TIAM1: variants seen among roughly 807,000 people sequenced by gnomAD.
TIAM1 encodes TIAM Rac1 associated GEF 1.
TIAM1 carries 65 observed loss-of-function variants against 163.5 expected under a neutral mutation model. The ratio of observed to expected loss-of-function variants is 0.40; its 90% CI spans 0.33 to 0.49. The LOEUF is 0.49. TIAM1 is among the 20% of genes least tolerant of loss of function. The pLI is 0.77. For missense variants in TIAM1, 1,789 were observed against 2,044.7 expected, an observed-to-expected ratio of 0.87 and a Z score of 2.41; for synonymous variants, 833 against 810.1, an observed-to-expected ratio of 1.03 and a Z score of -0.48.
At chr21:31,339,567 T>C (rs2833381) in intron 1 of TIAM1, 145 bp from the exon 2 acceptor site, 15,188 of 395,176 alleles carry the variant, frequency 0.038, 1,013 homozygotes, top group African/African-American at 0.19. Flanking sequence ...CATTAGAGTA[T>C]GGATATTTTG....
At chr21:31,503,020 T>C (rs1297421833) in intron 1 of TIAM1, among the ~76,000 whole-genome samples, 1 of 152,230 alleles carries the variant, frequency 6.6e-6, no homozygotes, top group African/African-American at 2.4e-5. Flanking sequence ...CACCCTGGGC[T>C]CTGATGTATG....
chr21:31,489,454 G>GA (rs1204968363), intron 1 of TIAM1, among the ~76,000 whole-genome samples: 8 of 136,068 alleles, frequency 5.9e-5, no homozygotes, highest in African/African-American at 2.2e-4. Context: ...GGAGAAGAAA[G>GA]AAAGAGAAAG....
In TIAM1 at chr21:31,265,996, T is replaced by C. The variant is rs2072738305; in HGVS notation, c.963+14A>G. The C allele has an allele frequency of 1.2e-6, 2 of 1,608,082 alleles. No homozygotes were observed. The highest frequency in any genetic ancestry group is 1.7e-6 in the Non-Finnish European group (2 of 1,176,278). On this transcript the variant is annotated intron_variant, in intron 4 of 27. Transcript: ENST00000541036. Reference sequence around the variant, plus strand: ...CCATTCCCAAAATATTGAAACAAATTTCAATCACTTTACCTGAGTTGTTTT... The same window carrying C: ...CCATTCCCAAAATATTGAAACAAATCTCAATCACTTTACCTGAGTTGTTTT...
intron 2 of TIAM1, among the ~76,000 whole-genome samples, chr21:31,411,869 C>T (rs767926033): frequency 4.1e-5 from 6 of 147,162 alleles, no homozygotes; most frequent in African/African-American, 1.2e-4. Flanking sequence ...AGTGTAAGAA[C>T]GTATGTAATG....
rs528636865 is a variant in TIAM1 at position 31,506,702 on chromosome 21, A to G, written c.-421-42667T>C. The stretch of plus-strand genomic sequence containing the variant: ...GGAGGCTGAGGCAGTTGAATCACTC[A>G]AGGTCAGGAGTTCAAGACCAGCCTG... On this transcript the variant is annotated intron_variant, in intron 1 of 28. Transcript: ENST00000286827. Among the ~76,000 whole-genome samples the G allele has an allele frequency of 9.9e-5, 15 of 152,276 alleles. 1 individual carries two copies. Among genetic ancestry groups the G allele is most frequent in the Admixed American group, 5.2e-4 (8 of 15,298 alleles).
chr21:31,417,465 G>A (rs1303632535), intron 2 of TIAM1, among the ~76,000 whole-genome samples: 2 of 152,090 alleles, frequency 1.3e-5, no homozygotes, highest in Non-Finnish European at 2.9e-5. Context: ...CAAGCAAAAG[G>A]GGAAATCCCT....
intron 19 of TIAM1, among the ~76,000 whole-genome samples, chr21:31,148,685 A>G (rs2083243415): frequency 6.6e-6 from 1 of 152,178 alleles, no homozygotes; most frequent in Non-Finnish European, 1.5e-5. Context: ...ATGAAACACT[A>G]AGGTATTCAC....
intron 2 of TIAM1, among the ~76,000 whole-genome samples, chr21:31,393,795 G>A (rs117586577): frequency 0.012 from 1,867 of 152,186 alleles, 17 homozygotes; most frequent in South Asian, 0.027. Context: ...AATCTTTCCT[G>A]TCTTTACCAC....
chr21:31,132,926 A>G (rs2082473395), intron 23 of TIAM1, among the ~76,000 whole-genome samples: 1 of 152,228 alleles, frequency 6.6e-6, no homozygotes, highest in African/African-American at 2.4e-5. Flanking sequence ...AACAATCACC[A>G]ACATTTGGTA....
chr21:31,533,571 A>C (rs867119468), intron 1 of TIAM1, among the ~76,000 whole-genome samples: 6 of 151,898 alleles, frequency 4.0e-5, no homozygotes, highest in Middle Eastern at 3.2e-3. Flanking sequence ...CCACTTACAA[A>C]AATTATTTTT....
chr21:31,409,269 C>T (rs1192235864), intron 2 of TIAM1, among the ~76,000 whole-genome samples: 1 of 152,164 alleles, frequency 6.6e-6, no homozygotes, highest in Admixed American at 6.5e-5. Context: ...GCCACCACAC[C>T]CAGCTAATTT....
chr21:31,403,383 G>A (rs1051662584), intron 2 of TIAM1, among the ~76,000 whole-genome samples: 6 of 152,226 alleles, frequency 3.9e-5, no homozygotes, highest in Admixed American at 2.6e-4. Context: ...TCTTGACCTC[G>A]TGATCCGCCC....
chr21:31,414,321 CAT>C (rs34733857), intron 2 of TIAM1, among the ~76,000 whole-genome samples: 5,643 of 152,332 alleles, frequency 0.037, 178 homozygotes, highest in East Asian at 0.11. Context: ...CTTATGTACA[CAT>C]GTCTTCTGCA....
At chr21:31,412,784 TAAAAAAAA>T (rs77221722) in intron 2 of TIAM1, among the ~76,000 whole-genome samples, 8,055 of 103,458 alleles carry the variant, frequency 0.078, 318 homozygotes, top group East Asian at 0.13. Flanking sequence ...TGTCTCAGGT[TAAAAAAAA>T]AAAAAAAAAA....
intron 27 of TIAM1, 120 bp downstream of exon 27, chr21:31,124,402 C>A: frequency 1.4e-6 from 2 of 1,413,934 alleles, no homozygotes; most frequent in Non-Finnish European, 1.9e-6. Context: ...AAACCGTCCT[C>A]CTACATCAGC....
At chr21:31,406,253 A>G (rs1045322142) in intron 2 of TIAM1, among the ~76,000 whole-genome samples, 2 of 152,104 alleles carry the variant, frequency 1.3e-5, no homozygotes, top group African/African-American at 4.8e-5. Context: ...AGACATCATT[A>G]TAATTTATTA....
intron 2 of TIAM1, among the ~76,000 whole-genome samples, chr21:31,291,678 A>C (rs1297973703): frequency 2.6e-5 from 4 of 152,208 alleles, no homozygotes; most frequent in Non-Finnish European, 4.4e-5. Flanking sequence ...ATGCGCTACA[A>C]CACCTGGCTA....
chr21:31,521,249 G>C (rs1325647216), intron 1 of TIAM1, among the ~76,000 whole-genome samples: 1 of 152,200 alleles, frequency 6.6e-6, no homozygotes, highest in Non-Finnish European at 1.5e-5. Context: ...TGACCGGAGA[G>C]CTGGCAAAAT....
At chr21:31,438,064 C>A (rs186277854) in intron 2 of TIAM1, among the ~76,000 whole-genome samples, 146 of 151,972 alleles carry the variant, frequency 9.6e-4, no homozygotes, top group African/African-American at 3.4e-3. Context: ...ATGAATGGAG[C>A]AGCTACCCTC....
Sources: gnomAD v4.1 joint callset for allele counts (sites outside exome capture counted in the v4.1 genomes callset) on GRCh38, gnomAD v4.1.1 for gene constraint, MANE v1.5 for transcripts, NCBI Gene and HGNC (gene_info 2026-07-23, HGNC 2026-07-21) for gene names.